Variants in AGAP2 observed in about 807,000 individuals in gnomAD.
The protein encoded by AGAP2 is ArfGAP with GTPase domain, ankyrin repeat and PH domain 2, also known as arf-GAP with GTPase, ANK repeat and PH domain-containing protein 2.
AGAP2 carries 32 observed loss-of-function variants against 110.9 expected under a neutral mutation model. That is an observed-to-expected ratio of 0.29 (90% CI 0.22 to 0.39). The LOEUF (loss-of-function observed/expected upper bound fraction) is 0.39, where lower values mean the gene tolerates loss of function less well. AGAP2 is among the 10% of genes least tolerant of loss of function. The pLI is 1.00. For synonymous variants in AGAP2, 702 were observed against 713.0 expected (o/e 0.98, Z 0.25); for missense variants, 1,285 against 1,638.5 (o/e 0.78, Z 3.72).
Position 57,732,958 on chromosome 12 carries a change from G to C in AGAP2, c.1571C>G (p.Pro524Arg). 6.2e-7 allele frequency: 1 copy of C among 1,614,004 alleles called. No homozygotes were observed. Among genetic ancestry groups the C allele is most frequent in the Non-Finnish European group, 8.5e-7 (1 of 1,180,024 alleles). ...GTQDRISASSPRVVGDARARA... is the reference protein window; with the variant it reads ...GTQDRISASSRRVVGDARARA... ...GGCACGAGCATCTCCCACCACCCGA[G>C]GGGAGGAAGCACTGATCCTGTCTGA... The change falls in exon 6 of 19, where the codon CCT (proline) becomes CGT (arginine). Residue 524 changes from proline (P) to arginine (R), a missense_variant. This residue lies in a region of AGAP2 where 844 missense variants were observed against 941.2 expected (regional missense o/e 0.90). Coordinates refer to ENST00000547588, the MANE Select transcript of AGAP2 (RefSeq NM_001122772.3).
rs770404619 is a variant in AGAP2, at chr12:57,731,898, C to T, written c.1864G>A (p.Glu622Lys). 1.9e-6 allele frequency: 3 copies of T among 1,612,776 alleles called. No individual in the cohort carries two copies. Among genetic ancestry groups the T allele is most frequent in the Non-Finnish European group, 2.5e-6 (3 of 1,179,700 alleles). The change falls in exon 8 of 19, where the codon GAG (glutamate) becomes AAG (lysine). Residue 622 changes from glutamate to lysine, a missense_variant. Around this residue, in one of 7 missense-constraint regions of AGAP2, gnomAD observed 844 missense variants for 941.2 expected, o/e 0.90. Transcript: ENST00000547588. ...LPSSPNVGHRELRAEAAAVAG... is the reference protein window; with the variant it reads ...LPSSPNVGHRKLRAEAAAVAG... ...ACTGCAGCTGCCTCGGCTCGGAGCT[C>T]CCGGTGACCAACATTCGGTGAGGAC... is the stretch of plus-strand genomic sequence containing the variant.
At chr12:57,724,798 AG>A (rs1347707785), downstream of AGAP2, 1 of 152,290 alleles carries the variant, frequency 6.6e-6, no homozygotes, top group African/African-American at 2.4e-5. Context: ...GATGCCACCA[AG>A]GTCCCCTAGC....
At chr12:57,732,084 GTTGT>G in intron 7 of AGAP2, 117 bp from the exon 8 acceptor site, 1 of 1,212,926 alleles carries the variant, frequency 8.2e-7, no homozygotes, top group Non-Finnish European at 1.1e-6. Context: ...ATTTATTTAT[GTTGT>G]CATTAATAAT....
chr12:57,737,232 T>C lies in AGAP2; in HGVS notation c.1015A>G (p.Thr339Ala). Reference sequence around the variant, plus strand: ...AACTTGAGCATCTTGCGGTCACGAGTGGATGCTCGGCCCCCCTCCCGGCCC... The same window carrying C: ...AACTTGAGCATCTTGCGGTCACGAGCGGATGCTCGGCCCCCCTCCCGGCCC... ...KRGREGGRAS[T>A]RDRKMLKFIS... The change falls in exon 1 of 19, where the codon ACT becomes GCT. Residue 339 changes from threonine (T) to alanine (A), a missense_variant. This residue lies in a region of AGAP2 where 844 missense variants were observed against 941.2 expected (regional missense o/e 0.90). Transcript: ENST00000547588. The surrounding 1 kb of genome is among the most constrained non-coding windows in gnomAD (Gnocchi z 5.9). 6.2e-7 allele frequency: 1 copy of C among 1,611,074 alleles called. No individual in the cohort carries two copies. The highest frequency in any genetic ancestry group is 8.5e-7 in the Non-Finnish European group (1 of 1,178,966).
Position 57,729,759 on chromosome 12 carries a change from G to T in AGAP2, c.2437C>A (p.Pro813Thr). 6.2e-7 allele frequency: 1 copy of T among 1,612,516 alleles called. No individual in the cohort carries two copies. The highest frequency in any genetic ancestry group is 8.5e-7 in the Non-Finnish European group (1 of 1,179,140). ...LARALSTDCT[P>T]SGDLSPLSRE... ...CTCAGGGGGCTCAGGTCTCCAGATG[G>T]GGTACAGTCTTAGGGAGGAAGACAC... The change falls in exon 13 of 19, where the codon CCA becomes ACA. Residue 813 changes from proline (P) to threonine (T), a missense_variant. By Grantham distance (38) the Pro-to-Thr change is conservative (BLOSUM62 -1). Coordinates refer to ENST00000547588, the MANE Select transcript of AGAP2 (RefSeq NM_001122772.3).
chr12:57,736,260 G>T (rs1231349388), intron 1 of AGAP2, among the ~76,000 whole-genome samples: 1 of 152,286 alleles, frequency 6.6e-6, no homozygotes, highest in East Asian at 1.9e-4. Flanking sequence ...GGGAGTGTGA[G>T]CCGAACCAAG....
At position 57,737,059 on chromosome 12, in the gene AGAP2, C is replaced by G; in HGVS notation, c.1168+20G>C. On this transcript the variant is annotated intron_variant, in intron 1 of 18. Coordinates refer to ENST00000547588, the MANE Select transcript of AGAP2 (RefSeq NM_001122772.3). The surrounding 1 kb of genome is among the most constrained non-coding windows in gnomAD (Gnocchi z 5.9). Reference sequence around the variant, plus strand: ...CCAGGTACCCTTCCCTCCCTGTTCTCAAGCCCTGACTCAACTCACTAGGGG... The same window carrying G: ...CCAGGTACCCTTCCCTCCCTGTTCTGAAGCCCTGACTCAACTCACTAGGGG... The G allele has an allele frequency of 2.0e-6, 3 of 1,490,450 alleles. No homozygotes were observed. Among genetic ancestry groups the G allele is most frequent in the Non-Finnish European group, 1.8e-6 (2 of 1,120,268 alleles). 92.3% of individuals were successfully genotyped at this position (1,490,450 alleles called of 1,614,324 possible).
rs529922641 is a variant in AGAP2, at chr12:57,725,626, T to C, written c.*926A>G. On this transcript the variant is annotated 3_prime_UTR_variant, in exon 19 of 19. Coordinates refer to ENST00000547588, the MANE Select transcript of AGAP2 (RefSeq NM_001122772.3). ...CTGTAGGGGTGCCCCCTACCCCAGATCACCACGGGCGCTGCACAGTCACAG... is the reference window on the plus strand; with the variant it reads ...CTGTAGGGGTGCCCCCTACCCCAGACCACCACGGGCGCTGCACAGTCACAG... 1 of 152,164 alleles carries C rather than the reference T, an allele frequency of 6.6e-6. No homozygotes were observed. Among genetic ancestry groups the C allele is most frequent in the Non-Finnish European group, 1.5e-5 (1 of 68,078 alleles). 9.4% of individuals were successfully genotyped at this position (152,164 alleles called of 1,614,324 possible).
intron 13 of AGAP2, among the ~76,000 whole-genome samples, chr12:57,728,991 C>T (rs1954829938): frequency 6.6e-6 from 1 of 151,820 alleles, no homozygotes; most frequent in Admixed American, 6.6e-5. Flanking sequence ...CTGGCTAACA[C>T]AGTGAAACCC....
chr12:57,736,770 T>C (rs959738311), intron 1 of AGAP2, among the ~76,000 whole-genome samples: 2 of 152,202 alleles, frequency 1.3e-5, no homozygotes, highest in Non-Finnish European at 2.9e-5. Flanking sequence ...CAGCTGAGGC[T>C]GGAAGTGGGG....
upstream of AGAP2, among the ~76,000 whole-genome samples, chr12:57,740,225 G>A (rs1041547774): frequency 3.3e-5 from 5 of 152,038 alleles, no homozygotes; most frequent in South Asian, 2.1e-4. Context: ...AGGGTGGGGG[G>A]GCTGAGCCAG....
chr12:57,730,621 G>T lies in AGAP2; in HGVS notation c.2309-7C>A. 1 of 1,611,662 alleles carries T rather than the reference G, an allele frequency of 6.2e-7. No homozygotes were observed. Among genetic ancestry groups the T allele is most frequent in the Non-Finnish European group, 8.5e-7 (1 of 1,178,870 alleles). On this transcript the variant is annotated splice_region_variant and splice_polypyrimidine_tract_variant and intron_variant, in intron 11 of 18. Transcript: ENST00000547588. ...GGCATGGGAGTAGTGGCTTCTGTCG[G>T]AAGAAGATGAAACCTCAGTGAGCCT...
At chr12:57,727,643 T>G (rs1466123146) in intron 16 of AGAP2, 38 bp downstream of exon 16, 4 of 1,591,364 alleles carry the variant, frequency 2.5e-6, no homozygotes, top group Non-Finnish European at 3.4e-6. Context: ...CGGCATTCAC[T>G]ACACTCCCTA....
rs2140369246 is a variant in AGAP2 at position 57,738,255 on chromosome 12, G to C, written c.-9C>G. 3 of 1,506,912 alleles carry C rather than the reference G, an allele frequency of 2.0e-6. No homozygotes were observed. The highest frequency in any genetic ancestry group is 1.8e-4 in the Middle Eastern group (1 of 5,580). 93.3% of individuals were successfully genotyped at this position (1,506,912 alleles called of 1,614,324 possible). ...CCCGCGCCCCGGCTCATGGGGCCCG[G>C]AGACCCCCGAGCTGGGGAGGGGAGG... On this transcript the variant is annotated 5_prime_UTR_variant, in exon 1 of 19. Transcript: ENST00000547588. The surrounding 1 kb of genome is among the most constrained non-coding windows in gnomAD (Gnocchi z 6.7).
downstream of AGAP2, chr12:57,724,156 C>A (rs984167510): frequency 6.6e-6 from 1 of 152,300 alleles, no homozygotes; most frequent in Non-Finnish European, 1.5e-5. Context: ...AGCCTAGGAC[C>A]CTGTAGAGCC....
At chr12:57,741,879 T>C (rs1226597218), upstream of AGAP2, 1 of 1,601,480 alleles carries the variant, frequency 6.2e-7, no homozygotes, top group Non-Finnish European at 8.5e-7. Context: ...TAGTCCCTGA[T>C]ACACCCAAGT....
chr12:57,733,097 G>C (rs1954917804), intron 5 of AGAP2, 118 bp from the exon 6 acceptor site: 1 of 1,330,084 alleles, frequency 7.5e-7, no homozygotes, highest in African/African-American at 1.5e-5. Flanking sequence ...TGGGGTGTGA[G>C]AGATCATCTT....
rs1954750434 is a variant in AGAP2 at position 57,725,734 on chromosome 12, C to G, written c.*818G>C. On this transcript the variant is annotated 3_prime_UTR_variant, in exon 19 of 19. Coordinates refer to ENST00000547588, the MANE Select transcript of AGAP2 (RefSeq NM_001122772.3). ...TGCCCACCCTGGGCTTCCCCTACCC[C>G]AAAACGCCCTCCCCACGCCCCTGCC... 6.7e-6 allele frequency: 1 copy of G among 150,312 alleles called. No individual in the cohort carries two copies. The highest frequency in any genetic ancestry group is 2.5e-5 in the African/African-American group (1 of 40,776). 9.3% of individuals were successfully genotyped at this position (150,312 alleles called of 1,614,324 possible).
intron 7 of AGAP2, 130 bp downstream of exon 7, chr12:57,732,273 A>G (rs1954900326): frequency 3.2e-6 from 3 of 934,302 alleles, no homozygotes; most frequent in South Asian, 1.6e-5. Flanking sequence ...CTTTCTGCCA[A>G]TAGTTTCACT....
Sources: allele counts gnomAD v4.1 joint callset (sites outside exome capture counted in the v4.1 genomes callset), GRCh38; gene constraint gnomAD v4.1.1; regional missense constraint gnomAD v4.1.1; non-coding constraint Gnocchi (gnomAD v3.1); transcripts MANE v1.5; gene names NCBI Gene and HGNC (gene_info 2026-07-23, HGNC 2026-07-21).